Variants in ACLY observed in about 807,000 individuals in gnomAD.
The protein encoded by ACLY is ATP-citrate synthase.
ACLY carries 41 observed loss-of-function variants against 133.0 expected under a neutral mutation model. The ratio of observed to expected loss-of-function variants is 0.31; its 90% confidence interval spans 0.24 to 0.40. The LOEUF (loss-of-function observed/expected upper bound fraction) is 0.40, where lower values mean the gene tolerates loss of function less well. Among genes scored for constraint, ACLY ranks in the 10% least tolerant of loss-of-function variants. The pLI, the probability that ACLY is intolerant of heterozygous loss-of-function variation, is 1.00. For synonymous variants in ACLY, 495 were observed against 549.3 expected, an observed-to-expected ratio of 0.90 and a Z score of 1.38; for missense variants, 1,046 against 1,453.8, an observed-to-expected ratio of 0.72 and a Z score of 4.56.
At position 41,898,611 on chromosome 17, in the gene ACLY, T is replaced by A. The variant is rs372735106; in HGVS notation, c.1338+20A>T. 9 of 1,611,960 alleles carry A rather than the reference T, an allele frequency of 5.6e-6. No homozygotes were observed. Among genetic ancestry groups the A allele is most frequent in the Middle Eastern group, 1.8e-4 (1 of 5,458 alleles). On this transcript the variant is annotated intron_variant, in intron 12 of 28. Transcript: ENST00000352035. The stretch of plus-strand genomic sequence containing the variant: ...ATGAGATGGTTCCTTCCTGTAAGGT[T>A]TGGGGAGGCTGGAACCTACCGATGT...
upstream of ACLY, among the ~76,000 whole-genome samples, chr17:41,919,761 T>C (rs2144447262): frequency 6.6e-6 from 1 of 152,342 alleles, no homozygotes; most frequent in East Asian, 1.9e-4. Flanking sequence ...CTGGAATGAA[T>C]GAACTGCTGT....
rs2049662369 is a variant in ACLY, at chr17:41,904,801, A to G, written c.1004-11T>C. On this transcript the variant is annotated splice_polypyrimidine_tract_variant and intron_variant, in intron 9 of 28. Transcript: ENST00000352035. Reference sequence around the variant, plus strand: ...TGATGAGGATCTTGCCTGGATTTGGAGTAAGAGAGAATCAAAAACAGTTAC... The same window carrying G: ...TGATGAGGATCTTGCCTGGATTTGGGGTAAGAGAGAATCAAAAACAGTTAC... 6.2e-7 allele frequency: 1 copy of G among 1,612,980 alleles called. No homozygotes were observed. The highest frequency in any genetic ancestry group is 1.7e-4 in the Middle Eastern group (1 of 6,058).
At position 41,878,208 on chromosome 17, in the gene ACLY, GA is replaced by G. The variant is rs781805700; in HGVS notation, c.2394-13del. ...CTTCGTATACAGACCTGGGAGGCAGGAAAAAAAAGACATCCATGTGGATTTT... is the reference window on the plus strand; with the variant it reads ...CTTCGTATACAGACCTGGGAGGCAGGAAAAAAAGACATCCATGTGGATTTT... On this transcript the variant is annotated splice_polypyrimidine_tract_variant and intron_variant, in intron 21 of 28. Coordinates refer to ENST00000352035, the MANE Select transcript of ACLY (RefSeq NM_001096.3). The G allele has an allele frequency of 5.7e-5, 88 of 1,535,460 alleles. No homozygotes were observed. The highest frequency in any genetic ancestry group is 1.5e-4 in the South Asian group (12 of 80,798).
rs34078258 is a variant in ACLY at position 41,882,367 on chromosome 17, C to CAAAAAAAAAAAAAAA, written c.2265+740_2265+754dup. ...GGGCGACAGAGTGAGACCCTGTCTC[C>CAAAAAAAAAAAAAAA]AAAAAAAAAAAAAAAAAAAAAAAAA... On this transcript the variant is annotated intron_variant, in intron 20 of 28. Transcript: ENST00000352035. 6.0e-4 allele frequency among the ~76,000 whole-genome samples: 24 copies of CAAAAAAAAAAAAAAA among 40,252 alleles called. 4 individuals are homozygous for CAAAAAAAAAAAAAAA. Among genetic ancestry groups the CAAAAAAAAAAAAAAA allele is most frequent in the South Asian group, 1.9e-3 (1 of 534 alleles). The allele number at this position is 40,252 out of a possible 152,430, so 26.4% of individuals were successfully genotyped here.
intron 1 of ACLY, among the ~76,000 whole-genome samples, chr17:41,925,028 T>TTTATTA (rs149814936): frequency 2.1e-3 from 315 of 149,482 alleles, no homozygotes; most frequent in Middle Eastern, 3.5e-3. Context: ...TCTGAATGAG[T>TTTATTA]TTATTATTAT....
intron 22 of ACLY, 98 bp from the exon 23 acceptor site, chr17:41,874,063 C>G: frequency 7.9e-7 from 1 of 1,258,776 alleles, no homozygotes. Flanking sequence ...CCAAAGCACC[C>G]CAGGAATGTC....
intron 25 of ACLY, chr17:41,870,417 T>A (rs1306518743): frequency 6.6e-6 from 1 of 152,238 alleles, no homozygotes; most frequent in Non-Finnish European, 1.5e-5. Flanking sequence ...TCACCTGAGA[T>A]GGCCAAGTGT....
At chr17:41,897,213 C>A (rs1317841208) in intron 13 of ACLY, among the ~76,000 whole-genome samples, 9 of 151,028 alleles carry the variant, frequency 6.0e-5, no homozygotes. Context: ...AAGGGCTGGC[C>A]GGCAGGAATC....
chr17:41,875,570 T>C (rs1438095921), intron 22 of ACLY, among the ~76,000 whole-genome samples: 1 of 152,142 alleles, frequency 6.6e-6, no homozygotes, highest in African/African-American at 2.4e-5. Flanking sequence ...GCCTGCCGAG[T>C]GCCTGCGATT....
upstream of ACLY, among the ~76,000 whole-genome samples, chr17:41,919,572 G>A (rs920446855): frequency 6.6e-6 from 1 of 152,234 alleles, no homozygotes; most frequent in Non-Finnish European, 1.5e-5. Flanking sequence ...TGTGGGATAA[G>A]GCAGGGGCCG....
intron 6 of ACLY, 89 bp downstream of exon 6, chr17:41,908,900 A>G (rs1182511481): frequency 3.7e-6 from 4 of 1,078,170 alleles, no homozygotes; most frequent in African/African-American, 1.5e-5. Flanking sequence ...CCCTCTGGCA[A>G]GTGGGAGTCT....
chr17:41,921,988 G>T (rs1555635496), upstream of ACLY, among the ~76,000 whole-genome samples: 1 of 152,174 alleles, frequency 6.6e-6, no homozygotes, highest in East Asian at 1.9e-4. Context: ...TTGAGGCCAG[G>T]AGTTCGAGAC....
intron 16 of ACLY, among the ~76,000 whole-genome samples, chr17:41,892,043 C>G (rs1351155793): frequency 2.0e-5 from 3 of 152,156 alleles, no homozygotes; most frequent in Admixed American, 6.6e-5. Flanking sequence ...AGCCTCTGCC[C>G]AGACTGACCT....
At position 41,892,619 on chromosome 17, in the gene ACLY, T is replaced by C. The variant is rs144863678; in HGVS notation, c.1602-172A>G. On this transcript the variant is annotated intron_variant, in intron 15 of 28. Transcript: ENST00000352035. The stretch of plus-strand genomic sequence containing the variant: ...CAGGAATACTGACTGCCTCTGTCTC[T>C]AGGATGGGCAAAGCCTTCCCCAGCA... 1.7e-3 allele frequency among the ~76,000 whole-genome samples: 263 copies of C among 151,862 alleles called. 1 individual carries two copies. The highest frequency in any genetic ancestry group is 5.0e-3 in the South Asian group (24 of 4,778).
chr17:41,923,690 A>C (rs2050208312), upstream of ACLY, among the ~76,000 whole-genome samples: 1 of 152,238 alleles, frequency 6.6e-6, no homozygotes, highest in South Asian at 2.1e-4. Context: ...ATGACTAAAA[A>C]AAGGCTCTTA....
chr17:41,897,629 A>C (rs1392053537), intron 13 of ACLY, 120 bp downstream of exon 13: 2 of 973,278 alleles, frequency 2.1e-6, no homozygotes, highest in Admixed American at 2.7e-5. Context: ...TCCCATTGCA[A>C]AACCCAAACC....
chr17:41,872,184 T>G lies in ACLY; in HGVS notation c.2643-2A>C. ...AACTGGCAAGAGTACTTAGGCAACC[T>G]GGAGTGGGGGGAACAAAGGCCAGGA... On this transcript the variant is annotated splice_acceptor_variant, in intron 23 of 28. Transcript: ENST00000352035. LOFTEE classifies it high-confidence loss of function. 2.5e-6 allele frequency: 4 copies of G among 1,612,766 alleles called. No homozygotes were observed. Among genetic ancestry groups the G allele is most frequent in the Non-Finnish European group, 3.4e-6 (4 of 1,179,734 alleles).
rs1326403191 is a variant in ACLY at position 41,909,587 on chromosome 17, A to T, written c.459T>A (p.Leu153=). 1.2e-6 allele frequency: 2 copies of T among 1,614,044 alleles called. No individual in the cohort carries two copies. Residue 153 remains leucine (L), a synonymous_variant, in exon 5 of 29, where the codon CTT becomes CTA. Coordinates refer to ENST00000352035, the MANE Select transcript of ACLY (RefSeq NM_001096.3). ...GDVDAKAQKL[L]VGVDEKLNPE... is the part of the protein sequence containing the mutation. ...GATTCAGTTTCTCATCCACGCCAAC[A>T]AGCAGCTTCTGGGCCTTGGCGTCCA...
chr17:41,888,738 G>A (rs2144290323), intron 16 of ACLY, among the ~76,000 whole-genome samples: 1 of 152,276 alleles, frequency 6.6e-6, no homozygotes, highest in South Asian at 2.1e-4. Context: ...TTGAACCCAG[G>A]AGGTTGAGGC....
Sources: allele counts gnomAD v4.1 joint callset (sites outside exome capture counted in the v4.1 genomes callset), GRCh38; gene constraint gnomAD v4.1.1; transcripts MANE v1.5; gene names NCBI Gene and HGNC (gene_info 2026-07-23, HGNC 2026-07-21).